The following FLT4 variants were observed in gnomAD, a reference collection of about 807,000 sequenced individuals.
The protein encoded by FLT4 is fms related receptor tyrosine kinase 4, also known as vascular endothelial growth factor receptor 3.
Under a neutral mutation model 163.2 loss-of-function variants are expected in FLT4, and 30 were observed. That is an observed-to-expected ratio of 0.18 (90% CI 0.14 to 0.25). The LOEUF (loss-of-function observed/expected upper bound fraction) is 0.25, where lower values mean the gene tolerates loss of function less well. Ranked by LOEUF, FLT4 falls within the 10% of genes least tolerant of loss-of-function variation. The pLI is 1.00. For synonymous variants in FLT4, 884 were observed against 789.5 expected (o/e 1.12, Z -2.01); for missense variants, 1,510 against 1,863.8 (o/e 0.81, Z 3.50).
rs145794559 is a variant in FLT4, at chr5:180,602,655, CTTCT to C, written c.*533_*536del. The C allele has an allele frequency of 3.7e-3, 1,521 of 411,824 alleles. 4 individuals carry two copies. The highest frequency in any genetic ancestry group is 0.012 in the Middle Eastern group (20 of 1,608). 25.5% of individuals were successfully genotyped at this position (411,824 alleles called of 1,614,324 possible). A position where few individuals can be genotyped will look rare whatever the true frequency, so the allele number is the denominator to read the frequency against. On this transcript the variant is annotated 3_prime_UTR_variant, in exon 30 of 30. Coordinates refer to ENST00000261937, the MANE Select transcript of FLT4 (RefSeq NM_182925.5). ...GCCCAGAAGAGGACCCTGCAAATGC[CTTCT>C]TTGAGATGGAAACACAGCCCCTCCC...
intron 29 of FLT4, among the ~76,000 whole-genome samples, chr5:180,606,413 A>G (rs1388895742): frequency 3.3e-5 from 5 of 152,026 alleles, no homozygotes; most frequent in East Asian, 1.9e-4. Context: ...ATCCCCAAGG[A>G]CCTCGTCACA....
At position 180,620,245 on chromosome 5, in the gene FLT4, G is replaced by C; in HGVS notation, c.2470C>G (p.Leu824Val). 6.2e-7 allele frequency: 1 copy of C among 1,612,146 alleles called. No homozygotes were observed. Among genetic ancestry groups the C allele is most frequent in the Non-Finnish European group, 8.5e-7 (1 of 1,179,978 alleles). The change falls in exon 17 of 30, where the codon CTG becomes GTG. Residue 824 changes from leucine (L) to valine (V), a missense_variant. Around this residue, in one of 5 missense-constraint regions of FLT4, gnomAD observed 878 missense variants for 1,016.7 expected, o/e 0.86. Transcript: ENST00000261937. This position sits in a 1 kb window ranked among gnomAD's most constrained non-coding sequence, Gnocchi z 4.4. ...SIIMDPGEVP[L>V]EEQCEYLSYD... ...GACAGGTATTCGCATTGCTCCTCCA[G>C]AGGCACCTCCCCGGGGTCCATGATG... is the stretch of plus-strand genomic sequence containing the variant.
At chr5:180,607,444 T>C (rs565017424) in intron 29 of FLT4, among the ~76,000 whole-genome samples, 1 of 152,036 alleles carries the variant, frequency 6.6e-6, no homozygotes, top group South Asian at 2.1e-4. Flanking sequence ...GAGACCATCC[T>C]GGCTAACATG....
intron 29 of FLT4, among the ~76,000 whole-genome samples, chr5:180,606,254 T>G (rs968486598): frequency 6.6e-6 from 1 of 151,800 alleles, no homozygotes; most frequent in African/African-American, 2.4e-5. Context: ...ACTTTCTTCT[T>G]CCTCTACCAC....
At chr5:180,613,744 G>A (rs548216195) in intron 24 of FLT4, 3 of 434,550 alleles carry the variant, frequency 6.9e-6, no homozygotes, top group African/African-American at 4.0e-5. Flanking sequence ...CCCACATGGA[G>A]CTCTTGGAGC....
intron 1 of FLT4, among the ~76,000 whole-genome samples, chr5:180,639,807 T>C (rs950929536): frequency 6.6e-6 from 1 of 152,296 alleles, no homozygotes; most frequent in African/African-American, 2.4e-5. Flanking sequence ...GGCTGTTGTC[T>C]GTCTCTGCTG....
chr5:180,620,985 G>C lies in FLT4; in HGVS notation c.2190C>G (p.Asn730Lys), dbSNP rs1763097699. The C allele has an allele frequency of 6.2e-7, 1 of 1,611,414 alleles. No individual in the cohort carries two copies. The highest frequency in any genetic ancestry group is 8.5e-7 in the Non-Finnish European group (1 of 1,179,056). The change falls in exon 15 of 30, where the codon AAC becomes AAG. Residue 730 changes from asparagine to lysine, a missense_variant. By Grantham distance (94) the Asn-to-Lys change is moderately conservative. Coordinates refer to ENST00000261937, the MANE Select transcript of FLT4 (RefSeq NM_182925.5). This position sits in a 1 kb window ranked among gnomAD's most constrained non-coding sequence, Gnocchi z 4.4. ...GCACGCGCTGGATGCTCAGCTTCTG[G>C]TTGGAGTCCGCCAAGTCGACTCCTG... ...EKSGVDLADS[N>K]QKLSIQRVRE...
At chr5:180,608,904 C>G (rs1761959884) in intron 29 of FLT4, 64 bp downstream of exon 29, 1 of 1,385,520 alleles carries the variant, frequency 7.2e-7, no homozygotes, top group Non-Finnish European at 1.0e-6. Flanking sequence ...CAGACCCCAG[C>G]CTCCCTCCTC....
rs2127828200 is a variant in FLT4, at chr5:180,626,225, G to A, written c.1144C>T (p.His382Tyr). The A allele has an allele frequency of 6.2e-7, 1 of 1,612,828 alleles. No individual in the cohort carries two copies. Among genetic ancestry groups the A allele is most frequent in the Non-Finnish European group, 8.5e-7 (1 of 1,180,010 alleles). ...GKALSGRHSP[H>Y]ALVLKEVTEA... is the part of the protein sequence containing the mutation. ...GTCACCTCCTTGAGCACCAGGGCAT[G>A]TGGACTGTGGCGCCCGGACAGTGCC... is the stretch of plus-strand genomic sequence containing the variant. Residue 382 changes from histidine to tyrosine, a missense_variant, in exon 9 of 30, where the codon CAT (histidine) becomes TAT (tyrosine). This residue lies in a region of FLT4 where 878 missense variants were observed against 1,016.7 expected (regional missense o/e 0.86). Transcript: ENST00000261937.
At chr5:180,604,158 A>C (rs1761665807) in intron 29 of FLT4, among the ~76,000 whole-genome samples, 1 of 152,034 alleles carries the variant, frequency 6.6e-6, no homozygotes, top group South Asian at 2.1e-4. Context: ...CTGATCCAGC[A>C]CTCACTGGAG....
rs448012 is a variant in FLT4, at chr5:180,619,344, G to C, written c.2670C>G (p.His890Gln). ...TCTTGAGCTCCGACATCAGCGCGCGGTGCTCGCTGGCCGTGGCGCCCTCTG... is the reference window on the plus strand; with the variant it reads ...TCTTGAGCTCCGACATCAGCGCGCGCTGCTCGCTGGCCGTGGCGCCCTCTG... ...MLKEGATASEHRALMSELKIL... is the reference protein window; with the variant it reads ...MLKEGATASEQRALMSELKIL... The change falls in exon 19 of 30, where the codon CAC (histidine) becomes CAG (glutamine). Residue 890 changes from histidine to glutamine, a missense_variant. Transcript: ENST00000261937. The C allele has an allele frequency of 0.63, 1,010,816 of 1,609,192 alleles. 319,683 individuals are homozygous for C. The highest frequency in any genetic ancestry group is 0.74 in the Admixed American group (44,067 of 59,920).
chr5:180,621,242 G>A lies in FLT4; in HGVS notation c.2031C>T (p.Ala677=). The change falls in exon 14 of 30, where the codon GCC becomes GCT. Residue 677 remains alanine, a synonymous_variant. Coordinates refer to ENST00000261937, the MANE Select transcript of FLT4 (RefSeq NM_182925.5). ...KKYLSVQALE[A]PRLTQNLTDL... ...CGGTCAAGTTCTGCGTGAGCCGAGG[G>A]GCTTCCAGGGCTGGGGGCAGGGGTC... The A allele has an allele frequency of 6.2e-7, 1 of 1,611,994 alleles. No homozygotes were observed. The highest frequency in any genetic ancestry group is 8.5e-7 in the Non-Finnish European group (1 of 1,179,336).
intron 21 of FLT4, among the ~76,000 whole-genome samples, chr5:180,618,465 G>A (rs1238571160): frequency 2.0e-5 from 3 of 151,822 alleles, no homozygotes; most frequent in Admixed American, 1.3e-4. Context: ...CAGCCTCTGG[G>A]ACACCCACGT....
rs764045579 is a variant in FLT4, at chr5:180,620,656, C to T, written c.2359G>A (p.Val787Ile). ...AGGAGGAGGAGGACCCAGAAGAAGA[C>T]AGCGATGACGCCGGTACCGACAAGG... is the stretch of plus-strand genomic sequence containing the variant. ...VILVGTGVIA[V>I]FFWVLLLLIF... The change falls in exon 16 of 30, where the codon GTC becomes ATC. Residue 787 changes from valine (V) to isoleucine (I), a missense_variant. By Grantham distance (29) the Val-to-Ile change is conservative (BLOSUM62 3). Coordinates refer to ENST00000261937, the MANE Select transcript of FLT4 (RefSeq NM_182925.5). The surrounding 1 kb of genome is among the most constrained non-coding windows in gnomAD (Gnocchi z 4.4). The T allele has an allele frequency of 6.2e-7, 1 of 1,613,422 alleles. No homozygotes were observed. Among genetic ancestry groups the T allele is most frequent in the Non-Finnish European group, 8.5e-7 (1 of 1,180,010 alleles).
chr5:180,642,964 C>T (rs554564413), intron 1 of FLT4, among the ~76,000 whole-genome samples: 2 of 152,336 alleles, frequency 1.3e-5, no homozygotes, highest in African/African-American at 2.4e-5. Context: ...CTGCGGTTGC[C>T]TCCGTATTGC....
chr5:180,605,331 G>A lies in FLT4; in HGVS notation c.3894-1941C>T, dbSNP rs142700817. Among the ~76,000 whole-genome samples, 563 of 152,124 alleles carry A rather than the reference G, an allele frequency of 3.7e-3. 2 individuals carry two copies. Among genetic ancestry groups the A allele is most frequent in the African/African-American group, 0.013 (536 of 41,492 alleles). ...TGTCAGTTGTATCATCACATTGTCCGTCCATTTCTATCCTGAAATTTTGAA... is the reference window on the plus strand; with the variant it reads ...TGTCAGTTGTATCATCACATTGTCCATCCATTTCTATCCTGAAATTTTGAA... On this transcript the variant is annotated intron_variant, in intron 29 of 29. Transcript: ENST00000261937.
Position 180,619,843 on chromosome 5 carries a change from C to G in FLT4, c.2543-74G>C, listed in dbSNP as rs937188342. On this transcript the variant is annotated intron_variant, in intron 17 of 29. Transcript: ENST00000261937. ...GGAGACAGGTGGGCGGCGGGGGAGCCCCGTGCAGAGGTCCAGGAGGACAGG... is the reference window on the plus strand; with the variant it reads ...GGAGACAGGTGGGCGGCGGGGGAGCGCCGTGCAGAGGTCCAGGAGGACAGG... 9 of 1,120,926 alleles carry G rather than the reference C, an allele frequency of 8.0e-6. No homozygotes were observed. The African/African-American group carries it at 1.4e-4, about 17-fold the overall frequency. The allele number at this position is 1,120,926 out of a possible 1,614,324, so 69.4% of individuals were successfully genotyped here. A position where few individuals can be genotyped will look rare whatever the true frequency, so the allele number is the denominator to read the frequency against.
At position 180,602,902 on chromosome 5, in the gene FLT4, G is replaced by A. The variant is rs1433693623; in HGVS notation, c.*290C>T. On this transcript the variant is annotated 3_prime_UTR_variant, in exon 30 of 30. Transcript: ENST00000261937. ...TCGCCAAAGAGACATTCCCATGGAA[G>A]TGCTGGCCCCGGGACCAGCACCTGC... 1 of 588,680 alleles carries A rather than the reference G, an allele frequency of 1.7e-6. No individual in the cohort carries two copies. The highest frequency in any genetic ancestry group is 2.8e-5 in the East Asian group (1 of 35,930). The allele number at this position is 588,680 out of a possible 1,614,324, so 36.5% of individuals were successfully genotyped here. A position where few individuals can be genotyped will look rare whatever the true frequency, so the allele number is the denominator to read the frequency against.
At chr5:180,643,855 C>T (rs2127868494) in intron 1 of FLT4, among the ~76,000 whole-genome samples, 1 of 151,900 alleles carries the variant, frequency 6.6e-6, no homozygotes, top group South Asian at 2.1e-4. Context: ...GGAGTCTCGC[C>T]CTGTTGCCCA....
Sources: allele counts gnomAD v4.1 joint callset (sites outside exome capture counted in the v4.1 genomes callset), GRCh38; gene constraint gnomAD v4.1.1; regional missense constraint gnomAD v4.1.1; non-coding constraint Gnocchi (gnomAD v3.1); transcripts MANE v1.5; gene names NCBI Gene and HGNC (gene_info 2026-07-23, HGNC 2026-07-21).